ZFAND3: variants seen among roughly 807,000 people sequenced by gnomAD.
The protein encoded by ZFAND3 is zinc finger AN1-type containing 3, also known as AN1-type zinc finger protein 3.
A neutral mutation model predicts 29.6 loss-of-function variants in ZFAND3; 10 were observed. The observed-to-expected ratio is 0.34, with a 90% confidence interval of 0.21 to 0.57. The LOEUF (loss-of-function observed/expected upper bound fraction) is 0.57, where lower values mean the gene tolerates loss of function less well. Among genes scored for constraint, ZFAND3 ranks in the 20% least tolerant of loss-of-function variants. The pLI is 0.86. For synonymous variants in ZFAND3, 128 were observed against 112.6 expected (o/e 1.14, Z -0.87); for missense variants, 230 against 304.5 (o/e 0.76, Z 1.82).
chr6:37,912,030 CTGTGTGTGTGTGTGTG>C (rs59017250), intron 1 of ZFAND3, among the ~76,000 whole-genome samples: 55 of 139,794 alleles, frequency 3.9e-4, no homozygotes, highest in African/African-American at 6.6e-4. Flanking sequence ...AGTCTTTTAT[CTGTGTGTGTGTGTGTG>C]TGTGTGTGTG....
chr6:37,956,156 TA>T (rs1246378145), intron 2 of ZFAND3, among the ~76,000 whole-genome samples: 1 of 152,184 alleles, frequency 6.6e-6, no homozygotes, highest in Non-Finnish European at 1.5e-5. Context: ...TAGTATTCAT[TA>T]AATGTTTGAA....
chr6:37,834,740 A>G (rs1763932548), intron 1 of ZFAND3, among the ~76,000 whole-genome samples: 1 of 145,876 alleles, frequency 6.9e-6, no homozygotes, highest in African/African-American at 2.8e-5. Flanking sequence ...ATATGCATAT[A>G]TCATTATGCA....
intron 4 of ZFAND3, among the ~76,000 whole-genome samples, chr6:38,093,108 G>C (rs1764905852): frequency 5.3e-5 from 8 of 152,154 alleles, no homozygotes; most frequent in Admixed American, 5.2e-4. Context: ...CTTGCCATTG[G>C]GTTAATGTAA....
At chr6:38,140,714 A>C (rs1765932674) in intron 5 of ZFAND3, among the ~76,000 whole-genome samples, 1 of 152,052 alleles carries the variant, frequency 6.6e-6, no homozygotes, top group Non-Finnish European at 1.5e-5. Flanking sequence ...ATCATATCTG[A>C]GCCCCCTCTC....
At chr6:38,105,874 C>T (rs148814298) in intron 4 of ZFAND3, among the ~76,000 whole-genome samples, 140 of 152,094 alleles carry the variant, frequency 9.2e-4, no homozygotes, top group African/African-American at 3.0e-3. Context: ...AACAGACAGA[C>T]CAATATTAGG....
chr6:38,026,909 T>G (rs1275206381), intron 2 of ZFAND3, among the ~76,000 whole-genome samples: 1 of 126,820 alleles, frequency 7.9e-6, no homozygotes, highest in Admixed American at 7.6e-5. Context: ...AATTTACTCT[T>G]TACAGATGAA....
intron 2 of ZFAND3, among the ~76,000 whole-genome samples, chr6:38,023,411 G>A (rs1239320815): frequency 1.3e-5 from 2 of 151,084 alleles, no homozygotes; most frequent in Admixed American, 1.3e-4. Context: ...AAAAAGATTT[G>A]AGAGATCAAA....
intron 2 of ZFAND3, among the ~76,000 whole-genome samples, chr6:38,033,357 C>T (rs1763597903): frequency 1.3e-5 from 2 of 152,104 alleles, no homozygotes; most frequent in African/African-American, 2.4e-5. Context: ...TTTTGCCTTT[C>T]TCTGTGTAAA....
intron 1 of ZFAND3, among the ~76,000 whole-genome samples, chr6:37,847,790 G>C (rs192586581): frequency 4.6e-5 from 7 of 152,176 alleles, no homozygotes; most frequent in Non-Finnish European, 8.8e-5. Context: ...ATGATGTTAC[G>C]TTTTTAAAGC....
chr6:38,077,529 T>C (rs1009590151), intron 3 of ZFAND3, among the ~76,000 whole-genome samples: 1 of 152,274 alleles, frequency 6.6e-6, no homozygotes, highest in African/African-American at 2.4e-5. Context: ...ATGAAAGGAC[T>C]GATAGTAGAA....
intron 5 of ZFAND3, among the ~76,000 whole-genome samples, chr6:38,126,289 G>GT (rs1337280878): frequency 6.6e-6 from 1 of 152,174 alleles, no homozygotes; most frequent in African/African-American, 2.4e-5. Flanking sequence ...TACCACATGT[G>GT]TTTATCCATT....
rs1554157840 is a variant in ZFAND3, at chr6:37,914,672, C to CTTTCTTTTTTT, written c.72-15284_72-15283insCTTTTTTTTTT. 2.0e-4 allele frequency among the ~76,000 whole-genome samples: 23 copies of CTTTCTTTTTTT among 114,210 alleles called. 2 individuals carry two copies. The highest frequency in any genetic ancestry group is 4.1e-4 in the Non-Finnish European group (23 of 56,600). 74.9% of individuals were successfully genotyped at this position (114,210 alleles called of 152,430 possible). A position where few individuals can be genotyped will look rare whatever the true frequency, so the allele number is the denominator to read the frequency against. On this transcript the variant is annotated intron_variant, in intron 1 of 5. Transcript: ENST00000287218. The stretch of plus-strand genomic sequence containing the variant: ...TTTCTTTCTTTCTTTCTTTTTTTTT[C>CTTTCTTTTTTT]TTTTTTTTTTAGTGGAGACGGGGTT...
At chr6:37,886,578 A>C (rs1416058926) in intron 1 of ZFAND3, among the ~76,000 whole-genome samples, 1 of 152,198 alleles carries the variant, frequency 6.6e-6, no homozygotes, top group East Asian at 1.9e-4. Context: ...TTGATTCCAC[A>C]TTGGTCTCTT....
At chr6:38,150,310 T>G (rs892693432) in intron 5 of ZFAND3, among the ~76,000 whole-genome samples, 2 of 152,186 alleles carry the variant, frequency 1.3e-5, no homozygotes, top group Non-Finnish European at 2.9e-5. Flanking sequence ...CAATTTAGAG[T>G]CAAACATACT....
At chr6:38,073,671 T>TGTCACTG (rs769872993) in intron 3 of ZFAND3, among the ~76,000 whole-genome samples, 2 of 152,244 alleles carry the variant, frequency 1.3e-5, no homozygotes, top group Non-Finnish European at 2.9e-5. Context: ...TGTCTTAGAA[T>TGTCACTG]GTCACTGTTA....
intron 5 of ZFAND3, among the ~76,000 whole-genome samples, chr6:38,140,392 A>C (rs1185213148): frequency 6.6e-6 from 1 of 152,198 alleles, no homozygotes; most frequent in Non-Finnish European, 1.5e-5. Context: ...AGGTAAGCAG[A>C]TGTCACAGAG....
intron 1 of ZFAND3, among the ~76,000 whole-genome samples, chr6:37,909,841 T>C: frequency 6.6e-6 from 1 of 152,156 alleles, no homozygotes; most frequent in Non-Finnish European, 1.5e-5. Context: ...AGCTCTTTGC[T>C]CTATCATTGA....
At chr6:37,952,163 C>G (rs1246236024) in intron 2 of ZFAND3, among the ~76,000 whole-genome samples, 1 of 152,092 alleles carries the variant, frequency 6.6e-6, no homozygotes, top group Non-Finnish European at 1.5e-5. Context: ...TGTGAACTTT[C>G]ATTTTTGTGT....
intron 1 of ZFAND3, among the ~76,000 whole-genome samples, chr6:37,880,064 A>C (rs1304823718): frequency 6.6e-6 from 1 of 152,248 alleles, no homozygotes; most frequent in African/African-American, 2.4e-5. Flanking sequence ...TAAAGCATTT[A>C]CTAACATGAA....
Sources: allele counts gnomAD v4.1 joint callset (sites outside exome capture counted in the v4.1 genomes callset), GRCh38; gene constraint gnomAD v4.1.1; transcripts MANE v1.5; gene names NCBI Gene and HGNC (gene_info 2026-07-23, HGNC 2026-07-21).